POMT2: variants seen among roughly 807,000 people sequenced by gnomAD.
The protein encoded by POMT2 is protein O-mannosyl-transferase 2.
POMT2 carries 75 observed loss-of-function variants against 100.0 expected under a neutral mutation model. The observed-to-expected ratio is 0.75, with a 90% CI of 0.62 to 0.91. POMT2 has a LOEUF of 0.91. Among genes scored for constraint, POMT2 ranks in the 40% least tolerant of loss-of-function variants. The probability of loss-of-function intolerance (pLI) is 0.00; values close to 1 mark genes in which losing one functional copy is unlikely to be tolerated. For synonymous variants in POMT2, 378 were observed against 374.1 expected, an observed-to-expected ratio of 1.01 and a Z score of -0.12; for missense variants, 940 against 955.1, an observed-to-expected ratio of 0.98 and a Z score of 0.21.
In POMT2 at chr14:77,298,759, G is replaced by C. The variant is rs186690580; in HGVS notation, c.936C>G (p.Asp312Glu). Residue 312 changes from aspartate to glutamate, a missense_variant, in exon 8 of 21, where the codon GAC (aspartate) becomes GAG (glutamate). Coordinates refer to ENST00000261534, the MANE Select transcript of POMT2 (RefSeq NM_013382.7). ...CCTGGAAGGCAGAACTGAAGAAACC[G>C]TCACCAGGGCCACTGTGGGGAGAGG... ...FMVLSKSGPG[D>E]GFFSSAFQAR... The C allele has an allele frequency of 1.9e-6, 3 of 1,612,796 alleles. No homozygotes were observed. The highest frequency in any genetic ancestry group is 2.5e-6 in the Non-Finnish European group (3 of 1,179,446).
chr14:77,297,239 T>C (rs1890865707), intron 8 of POMT2, among the ~76,000 whole-genome samples: 1 of 152,214 alleles, frequency 6.6e-6, no homozygotes, highest in South Asian at 2.1e-4. Context: ...ACCACCTTTA[T>C]TTCTTGAAAT....
At chr14:77,308,020 C>A (rs1312082322) in intron 2 of POMT2, among the ~76,000 whole-genome samples, 2 of 151,914 alleles carry the variant, frequency 1.3e-5, no homozygotes, top group African/African-American at 4.8e-5. Flanking sequence ...TGCCACCACG[C>A]CCGGCTAATT....
In POMT2 at chr14:77,296,329, G is replaced by A. The variant is rs142209688; in HGVS notation, c.1007-56C>T. The A allele has an allele frequency of 1.4e-3, 1,747 of 1,279,478 alleles. 17 individuals are homozygous for A. In the African/African-American group the frequency reaches 0.021, roughly 15 times the overall value. 79.3% of individuals were successfully genotyped at this position (1,279,478 alleles called of 1,614,324 possible). On this transcript the variant is annotated intron_variant, in intron 8 of 20. Coordinates refer to ENST00000261534, the MANE Select transcript of POMT2 (RefSeq NM_013382.7). ...GCTGGCACAGTGCCAGAGGCTGTCC[G>A]TGCCTGCGAGGAGCCTCGGAAGCCA...
At chr14:77,306,263 C>A in intron 3 of POMT2, 74 bp downstream of exon 3, 1 of 1,595,572 alleles carries the variant, frequency 6.3e-7, no homozygotes, top group Non-Finnish European at 8.6e-7. Flanking sequence ...CACGCCAGGG[C>A]TGCTAACTAT....
chr14:77,283,840 C>T lies in POMT2; in HGVS notation c.1610G>A (p.Ser537Asn), dbSNP rs779896099. Residue 537 changes from serine (S) to asparagine (N), a missense_variant, in exon 15 of 21, where the codon AGT (serine) becomes AAT (asparagine). Ser to Asn is a conservative substitution (Grantham distance 46). Transcript: ENST00000261534. ...PNISLDVLQP[S>N]FPEILLESHM... ...GGATTCCAGCAAGATCTCAGGAAAA[C>T]TGGGCTGTAGCACATCCAGGCTGAT... The T allele has an allele frequency of 6.2e-7, 1 of 1,613,402 alleles. No individual in the cohort carries two copies. Among genetic ancestry groups the T allele is most frequent in the Non-Finnish European group, 8.5e-7 (1 of 1,179,316 alleles).
intron 1 of POMT2, among the ~76,000 whole-genome samples, chr14:77,314,019 A>G (rs1434729006): frequency 6.6e-6 from 1 of 152,040 alleles, no homozygotes; most frequent in Non-Finnish European, 1.5e-5. Flanking sequence ...TGGGCTCCAG[A>G]TTTTTACTTC....
At chr14:77,313,047 T>C (rs1439858539) in intron 1 of POMT2, among the ~76,000 whole-genome samples, 1 of 152,178 alleles carries the variant, frequency 6.6e-6, no homozygotes, top group African/African-American at 2.4e-5. Flanking sequence ...TACAACCACA[T>C]ACACCTTTCT....
rs116224770 is a variant in POMT2, at chr14:77,320,809, G to A, written c.-128C>T. ...ATGCAACGCCCTTCACTGCAGCGGA[G>A]CGCGGGGCCCCGGGCTCGGGGCGGG... is the stretch of plus-strand genomic sequence containing the variant. On this transcript the variant is annotated 5_prime_UTR_variant, in exon 1 of 21. Coordinates refer to ENST00000261534, the MANE Select transcript of POMT2 (RefSeq NM_013382.7). The A allele has an allele frequency of 6.3e-3, 8,777 of 1,394,262 alleles. 506 individuals are homozygous for A. In the African/African-American group the frequency reaches 0.12, roughly 19 times the overall value. 86.4% of individuals were successfully genotyped at this position (1,394,262 alleles called of 1,614,324 possible). A position where few individuals can be genotyped will look rare whatever the true frequency, so the allele number is the denominator to read the frequency against.
chr14:77,287,307 T>C (rs954818171), intron 11 of POMT2: 2 of 156,666 alleles, frequency 1.3e-5, no homozygotes, highest in Admixed American at 1.2e-4. Context: ...TTAGCTTTTA[T>C]TTAGTTTTAT....
intron 1 of POMT2, among the ~76,000 whole-genome samples, chr14:77,315,478 C>T (rs1891591307): frequency 6.6e-6 from 1 of 152,204 alleles, no homozygotes; most frequent in South Asian, 2.1e-4. Flanking sequence ...GAGCCACGCT[C>T]CCTGTAGGGA....
chr14:77,301,377 C>T, intron 5 of POMT2, 128 bp from the exon 6 acceptor site: 1 of 1,256,304 alleles, frequency 8.0e-7, no homozygotes, highest in Non-Finnish European at 1.1e-6. Context: ...GGCTCTTAGC[C>T]TCAAGGGACC....
At chr14:77,305,211 G>A (rs1236026997) in intron 3 of POMT2, among the ~76,000 whole-genome samples, 1 of 152,116 alleles carries the variant, frequency 6.6e-6, no homozygotes, top group African/African-American at 2.4e-5. Context: ...CCCTCTGAAG[G>A]TATTTCAGAG....
intron 1 of POMT2, among the ~76,000 whole-genome samples, chr14:77,320,137 G>A (rs1021650354): frequency 2.6e-5 from 4 of 152,144 alleles, no homozygotes; most frequent in African/African-American, 9.7e-5. Flanking sequence ...TTGGAAAGTT[G>A]AAAGCACCTT....
At chr14:77,283,441 T>G (rs1486823176) in intron 15 of POMT2, among the ~76,000 whole-genome samples, 1 of 152,220 alleles carries the variant, frequency 6.6e-6, no homozygotes, top group Non-Finnish European at 1.5e-5. Flanking sequence ...CTCTTACACT[T>G]AGCTGTGTGA....
At chr14:77,296,555 A>C in intron 8 of POMT2, 1 of 454,920 alleles carries the variant, frequency 2.2e-6, no homozygotes, top group Non-Finnish European at 4.0e-6. Flanking sequence ...ACGAAAAACA[A>C]CTTGTCCTTC....
chr14:77,286,131 G>A (rs144959060), intron 12 of POMT2, among the ~76,000 whole-genome samples: 3 of 152,324 alleles, frequency 2.0e-5, no homozygotes, highest in African/African-American at 7.2e-5. Flanking sequence ...AATGTTCACA[G>A]TCTTGACCTA....
intron 1 of POMT2, among the ~76,000 whole-genome samples, chr14:77,315,303 A>G (rs540265490): frequency 1.3e-5 from 2 of 152,214 alleles, no homozygotes; most frequent in Non-Finnish European, 2.9e-5. Context: ...GAAGAGCTAA[A>G]GGAGCAGAAA....
intron 1 of POMT2, among the ~76,000 whole-genome samples, chr14:77,316,417 T>C (rs552998706): frequency 6.6e-6 from 1 of 152,096 alleles, no homozygotes; most frequent in South Asian, 2.1e-4. Flanking sequence ...TTAAAAAATC[T>C]GTTTTAATTA....
chr14:77,285,331 T>C, intron 13 of POMT2, 150 bp downstream of exon 13: 1 of 1,074,446 alleles, frequency 9.3e-7, no homozygotes, highest in Non-Finnish European at 1.4e-6. Flanking sequence ...TGCTCCATAA[T>C]ACACCTGATA....
Sources: gnomAD v4.1 joint callset for allele counts (sites outside exome capture counted in the v4.1 genomes callset) on GRCh38, gnomAD v4.1.1 for gene constraint, MANE v1.5 for transcripts, NCBI Gene and HGNC (gene_info 2026-07-23, HGNC 2026-07-21) for gene names.